The following RBMS2 variants were observed in gnomAD, a reference collection of about 807,000 sequenced individuals.
The protein encoded by RBMS2 is RNA binding motif single stranded interacting protein 2.
RBMS2 carries 38 observed loss-of-function variants against 58.4 expected under a neutral mutation model. The ratio of observed to expected loss-of-function variants is 0.65; its 90% CI spans 0.50 to 0.85. RBMS2 has a LOEUF of 0.85. Among genes scored for constraint, RBMS2 ranks in the 40% least tolerant of loss-of-function variants. RBMS2 has a pLI of 0.00. For synonymous variants in RBMS2, 151 were observed against 180.7 expected, an observed-to-expected ratio of 0.84 and a Z score of 1.32; for missense variants, 367 against 503.7, an observed-to-expected ratio of 0.73 and a Z score of 2.60.
intron 5 of RBMS2, among the ~76,000 whole-genome samples, chr12:56,575,497 C>G (rs7977500): frequency 0.11 from 16,581 of 151,894 alleles, 1,100 homozygotes; most frequent in South Asian, 0.19. Flanking sequence ...GGGTCTTGCC[C>G]TGGGGATGGA....
chr12:56,589,271 T>C lies in RBMS2; in HGVS notation c.*138T>C, dbSNP rs781342507. On this transcript the variant is annotated 3_prime_UTR_variant, in exon 14 of 14. Transcript: ENST00000262031. The stretch of plus-strand genomic sequence containing the variant: ...AAGGACTAACACTTAGCCATCGTTT[T>C]TCACAGGCCTGGGCCTGGAAAAAGA... The C allele has an allele frequency of 4.2e-6, 6 of 1,435,894 alleles. No individual in the cohort carries two copies. In the Admixed American group the frequency reaches 1.3e-4, roughly 30 times the overall value. The allele number at this position is 1,435,894 out of a possible 1,614,324, so 88.9% of individuals were successfully genotyped here.
intron 5 of RBMS2, among the ~76,000 whole-genome samples, chr12:56,578,730 C>T (rs1883490996): frequency 1.3e-5 from 2 of 151,186 alleles, no homozygotes; most frequent in African/African-American, 2.4e-5. Context: ...TTTGGGAGGC[C>T]GAAGCAGGCA....
intron 5 of RBMS2, among the ~76,000 whole-genome samples, chr12:56,579,508 C>T (rs569049694): frequency 6.6e-6 from 1 of 152,030 alleles, no homozygotes; most frequent in Non-Finnish European, 1.5e-5. Flanking sequence ...TGGCGGGCAC[C>T]TGTAGTCCCA....
intron 1 of RBMS2, among the ~76,000 whole-genome samples, chr12:56,558,590 C>CTTTTTTTTTTT (rs10676323): frequency 1.1e-5 from 1 of 92,196 alleles, no homozygotes; most frequent in Non-Finnish European, 2.0e-5. Context: ...TTTCTTTTTC[C>CTTTTTTTTTTT]TTTTTTTTTT....
intron 1 of RBMS2, among the ~76,000 whole-genome samples, chr12:56,545,917 T>C (rs905348915): frequency 6.7e-6 from 1 of 148,152 alleles, no homozygotes; most frequent in South Asian, 2.1e-4. Flanking sequence ...TGTAAGCATA[T>C]GTTTTCTTCC....
intron 5 of RBMS2, among the ~76,000 whole-genome samples, chr12:56,572,288 C>CAA (rs34385329): frequency 1.6e-3 from 116 of 72,962 alleles, no homozygotes; most frequent in African/African-American, 4.4e-3. Context: ...GACTCTGTCT[C>CAA]AAAAAAAAAA....
intron 1 of RBMS2, among the ~76,000 whole-genome samples, chr12:56,557,821 C>T (rs555281775): frequency 3.3e-5 from 5 of 150,986 alleles, no homozygotes; most frequent in African/African-American, 1.2e-4. Flanking sequence ...TCACCGCAAC[C>T]TCTGCCTCCC....
At chr12:56,588,268 A>G in intron 11 of RBMS2, 26 bp from the exon 12 acceptor site, 4 of 1,593,764 alleles carry the variant, frequency 2.5e-6, no homozygotes, top group African/African-American at 1.3e-5. Context: ...TCACTGCTGT[A>G]AGCCTGTTGA....
At chr12:56,525,813 C>G (rs1872553954) in intron 1 of RBMS2, among the ~76,000 whole-genome samples, 1 of 151,768 alleles carries the variant, frequency 6.6e-6, no homozygotes, top group Non-Finnish European at 1.5e-5. Context: ...AGAGGCCCAC[C>G]ACCACGCCTG....
chr12:56,560,108 T>C (rs943340682), intron 1 of RBMS2, among the ~76,000 whole-genome samples: 1 of 151,920 alleles, frequency 6.6e-6, no homozygotes, highest in Non-Finnish European at 1.5e-5. Flanking sequence ...TTGGCCAGAC[T>C]GGTCTTGAAC....
At chr12:56,557,320 T>G (rs974765277) in intron 1 of RBMS2, among the ~76,000 whole-genome samples, 1 of 152,220 alleles carries the variant, frequency 6.6e-6, no homozygotes, top group Non-Finnish European at 1.5e-5. Flanking sequence ...TAAGCTTTAC[T>G]TAGGGGCTTT....
At chr12:56,521,370 C>T (rs1380453509), upstream of RBMS2, among the ~76,000 whole-genome samples, 3 of 145,562 alleles carry the variant, frequency 2.1e-5, no homozygotes, top group Non-Finnish European at 3.0e-5. Context: ...TGCAGTGAGC[C>T]GGATCCGGGA....
chr12:56,547,328 C>T (rs2136329322), intron 1 of RBMS2, among the ~76,000 whole-genome samples: 1 of 151,858 alleles, frequency 6.6e-6, no homozygotes, highest in African/African-American at 2.4e-5. Flanking sequence ...GCACTCCAGC[C>T]TGGGCAATGA....
chr12:56,549,196 T>C (rs772316571), intron 1 of RBMS2, among the ~76,000 whole-genome samples: 4 of 152,108 alleles, frequency 2.6e-5, no homozygotes, highest in Non-Finnish European at 4.4e-5. Flanking sequence ...GGTTTCACCA[T>C]GTTGACCAGG....
intron 12 of RBMS2, chr12:56,588,688 AC>A: frequency 1.7e-6 from 1 of 592,368 alleles, no homozygotes; most frequent in Non-Finnish European, 3.0e-6. Flanking sequence ...GCCCTTCCTT[AC>A]ATTTGGCCAG....
chr12:56,580,114 G>A (rs1197311901), intron 5 of RBMS2, among the ~76,000 whole-genome samples: 1 of 151,608 alleles, frequency 6.6e-6, no homozygotes, highest in Admixed American at 6.6e-5. Flanking sequence ...TGTATTTTTA[G>A]TAGAGACGGG....
intron 1 of RBMS2, among the ~76,000 whole-genome samples, chr12:56,543,480 G>A (rs1245633311): frequency 3.4e-5 from 5 of 146,566 alleles, no homozygotes; most frequent in African/African-American, 1.0e-4. Context: ...GCAAGACTCT[G>A]TCTCAAAAAA....
chr12:56,542,502 C>T (rs1221642524), intron 1 of RBMS2, among the ~76,000 whole-genome samples: 4 of 144,586 alleles, frequency 2.8e-5, no homozygotes, highest in Admixed American at 6.9e-5. Context: ...TTATAGTTAA[C>T]GAAAACCATT....
intron 2 of RBMS2, among the ~76,000 whole-genome samples, chr12:56,566,958 G>A (rs1881446089): frequency 6.6e-6 from 1 of 152,222 alleles, no homozygotes; most frequent in Admixed American, 6.5e-5. Flanking sequence ...TATAGGAAAT[G>A]AAGAAAGAAT....
Sources: allele counts gnomAD v4.1 joint callset (sites outside exome capture counted in the v4.1 genomes callset), GRCh38; gene constraint gnomAD v4.1.1; transcripts MANE v1.5; gene names NCBI Gene and HGNC (gene_info 2026-07-23, HGNC 2026-07-21).